The following PRKCB variants were observed in gnomAD, a reference collection of about 807,000 sequenced individuals.
The protein encoded by PRKCB is protein kinase C beta type.
A neutral mutation model predicts 81.5 loss-of-function variants in PRKCB; 13 were observed. That is an observed-to-expected ratio of 0.16 (90% CI 0.10 to 0.25). The LOEUF is 0.25. Among genes scored for constraint, PRKCB ranks in the 10% least tolerant of loss-of-function variants. The pLI is 1.00. For synonymous variants in PRKCB, 335 were observed against 321.4 expected (o/e 1.04, Z -0.45); for missense variants, 509 against 875.7 (o/e 0.58, Z 5.29).
rs1165120019 is a variant in PRKCB, at chr16:23,846,603, C to T, written c.205+9197C>T. On this transcript the variant is annotated intron_variant, in intron 2 of 16. Transcript: ENST00000643927. ...CCAGCCTGGCGACAGAGCGAGACTC[C>T]GTCTCAAAAAAAAAAAAAAAAAAAA... is the stretch of plus-strand genomic sequence containing the variant. Among the ~76,000 whole-genome samples the T allele has an allele frequency of 1.7e-4, 14 of 83,794 alleles. No individual in the cohort carries two copies. The East Asian group carries it at 4.2e-3, about 25-fold the overall frequency. 55.0% of individuals were successfully genotyped at this position (83,794 alleles called of 152,430 possible).
chr16:24,161,786 G>A (rs948853321), intron 10 of PRKCB, among the ~76,000 whole-genome samples: 1 of 152,126 alleles, frequency 6.6e-6, no homozygotes, highest in African/African-American at 2.4e-5. Flanking sequence ...AAGAGATGGT[G>A]AATAAAATAT....
intron 13 of PRKCB, 134 bp from the exon 14 acceptor site, chr16:24,184,977 G>A (rs1967681186): frequency 3.9e-6 from 3 of 770,536 alleles, no homozygotes; most frequent in South Asian, 1.6e-5. Context: ...AAGCATGTCT[G>A]TCATTCCCTG....
rs765636612 is a variant in PRKCB at position 24,219,415 on chromosome 16, G to A, written c.*4599G>A. ...ACTGTGGGTGGATTTTCGAGCTGAC[G>A]GTGGTCAATTCCTTTCATTAAGCAG... On this transcript the variant is annotated 3_prime_UTR_variant, in exon 17 of 17. Coordinates refer to ENST00000643927, the MANE Select transcript of PRKCB (RefSeq NM_002738.7). 1.6e-5 allele frequency: 16 copies of A among 985,472 alleles called. No individual in the cohort carries two copies. The highest frequency in any genetic ancestry group is 8.8e-5 in the African/African-American group (5 of 57,138). 61.0% of individuals were successfully genotyped at this position (985,472 alleles called of 1,614,324 possible).
intron 2 of PRKCB, among the ~76,000 whole-genome samples, chr16:23,899,200 G>T (rs1378892253): frequency 6.6e-6 from 1 of 152,200 alleles, no homozygotes; most frequent in Non-Finnish European, 1.5e-5. Context: ...AGAAAGAGGG[G>T]CAGAGATGCC....
intron 3 of PRKCB, among the ~76,000 whole-genome samples, chr16:24,022,924 G>A (rs1965424802): frequency 6.6e-6 from 1 of 152,222 alleles, no homozygotes; most frequent in Admixed American, 6.5e-5. Flanking sequence ...CCACACTGTG[G>A]CCCCTGGGCA....
chr16:23,861,349 T>C (rs1398948584), intron 2 of PRKCB, among the ~76,000 whole-genome samples: 3 of 152,076 alleles, frequency 2.0e-5, no homozygotes, highest in Non-Finnish European at 4.4e-5. Context: ...TTTTATTTTT[T>C]ATAGAAACAG....
chr16:23,866,943 C>A (rs1339691933), intron 2 of PRKCB, among the ~76,000 whole-genome samples: 1 of 147,016 alleles, frequency 6.8e-6, no homozygotes, highest in African/African-American at 2.5e-5. Context: ...CTTCCCTTCC[C>A]CTTCCTTTCT....
intron 2 of PRKCB, among the ~76,000 whole-genome samples, chr16:23,930,751 G>GT (rs1963960983): frequency 6.6e-6 from 1 of 151,984 alleles, no homozygotes; most frequent in Non-Finnish European, 1.5e-5. Flanking sequence ...GGGTTGTTGT[G>GT]GATTAATACA....
At chr16:23,929,289 G>A (rs1963939521) in intron 2 of PRKCB, among the ~76,000 whole-genome samples, 2 of 152,100 alleles carry the variant, frequency 1.3e-5, no homozygotes, top group Non-Finnish European at 2.9e-5. Flanking sequence ...GGAGACTCAG[G>A]GGAGTTATTG....
chr16:23,848,756 G>C (rs552372966), intron 2 of PRKCB, among the ~76,000 whole-genome samples: 1 of 152,104 alleles, frequency 6.6e-6, no homozygotes, highest in Middle Eastern at 3.2e-3. Flanking sequence ...TAACCTCTTC[G>C]AGCTTCTGTT....
At chr16:23,922,166 G>A (rs899103178) in intron 2 of PRKCB, among the ~76,000 whole-genome samples, 8 of 152,198 alleles carry the variant, frequency 5.3e-5, no homozygotes, top group African/African-American at 1.7e-4. Context: ...GGACAAATTT[G>A]TAAATGTAAA....
chr16:24,021,008 C>CTTTCTTTCTTTCTTTCTT, intron 3 of PRKCB, among the ~76,000 whole-genome samples: 1 of 141,374 alleles, frequency 7.1e-6, no homozygotes, highest in South Asian at 2.3e-4. Context: ...TTCTTTCTTT[C>CTTTCTTTCTTTCTTTCTT]TTTCTTTCTT....
intron 3 of PRKCB, among the ~76,000 whole-genome samples, chr16:24,016,823 A>C (rs1283112923): frequency 1.3e-5 from 2 of 152,174 alleles, no homozygotes; most frequent in Non-Finnish European, 2.9e-5. Context: ...CACAGCACCC[A>C]GCTCTGCACA....
intron 14 of PRKCB, 35 bp from the exon 15 acceptor site, chr16:24,185,425 G>C: frequency 6.3e-7 from 1 of 1,580,442 alleles, no homozygotes; most frequent in African/African-American, 1.3e-5. Context: ...GTTCAAGCAG[G>C]GATTCTTCTC....
chr16:24,092,063 T>A (rs1490357551), intron 5 of PRKCB, among the ~76,000 whole-genome samples: 1 of 152,248 alleles, frequency 6.6e-6, no homozygotes, highest in East Asian at 1.9e-4. Context: ...TACAATTCAG[T>A]GACATTTATA....
At chr16:23,882,201 T>C (rs1367910834) in intron 2 of PRKCB, among the ~76,000 whole-genome samples, 1 of 151,260 alleles carries the variant, frequency 6.6e-6, no homozygotes, top group Non-Finnish European at 1.5e-5. Flanking sequence ...CATCTCAGCC[T>C]CCTGAGTAAC....
At chr16:24,159,094 G>C (rs1967214841) in intron 10 of PRKCB, among the ~76,000 whole-genome samples, 1 of 152,158 alleles carries the variant, frequency 6.6e-6, no homozygotes, top group African/African-American at 2.4e-5. Context: ...CCTCTCACCT[G>C]TTCAGTGAAG....
chr16:24,121,451 A>T (rs1966797423), intron 8 of PRKCB, among the ~76,000 whole-genome samples: 1 of 152,172 alleles, frequency 6.6e-6, no homozygotes, highest in African/African-American at 2.4e-5. Context: ...ATCAGAGCTT[A>T]CTGCAGCTTC....
chr16:23,867,060 CTCTCTTTCTTTCTTTCTCTTTCTT>C (rs1962817188), intron 2 of PRKCB, among the ~76,000 whole-genome samples: 5 of 116,560 alleles, frequency 4.3e-5, no homozygotes, highest in African/African-American at 6.4e-5. Context: ...TTCTCTCTCT[CTCTCTTTCTTTCTTTCTCTTTCTT>C]TCTTTCTCTT....
Sources: gnomAD v4.1 joint callset for allele counts (sites outside exome capture counted in the v4.1 genomes callset) on GRCh38, gnomAD v4.1.1 for gene constraint, MANE v1.5 for transcripts, NCBI Gene and HGNC (gene_info 2026-07-23, HGNC 2026-07-21) for gene names.